Variants in DRC11 observed in about 807,000 individuals in gnomAD.
DRC11 encodes the protein dynein regulatory complex subunit 11.
At chr2:236,507,124 G>A in the DRC11 span, 1 of 830,946 alleles carries the variant, frequency 1.2e-6, no homozygotes, top group Admixed American at 2.4e-5. Context: ...AGGAAAAAAA[G>A]TGGGGGAGAG....
At chr2:236,345,243 C>A in the DRC11 span, among the ~76,000 whole-genome samples, 1 of 152,290 alleles carries the variant, frequency 6.6e-6, no homozygotes, top group African/African-American at 2.4e-5. Flanking sequence ...CTCTGCTGCA[C>A]AGGCACAGAA....
chr2:236,344,601 T>A, the DRC11 span: 1 of 1,613,796 alleles, frequency 6.2e-7, no homozygotes, highest in South Asian at 1.1e-5. Flanking sequence ...GTTTTTTCTG[T>A]GTCTTCAATC....
the DRC11 span, among the ~76,000 whole-genome samples, chr2:236,500,085 T>TGAC: frequency 2.6e-5 from 3 of 116,930 alleles, no homozygotes; most frequent in African/African-American, 2.8e-4. The surrounding 1 kb of genome is among the most constrained non-coding windows in gnomAD (Gnocchi z 6.3). Context: ...TGGGTTCAGA[T>TGAC]GATGATGATG....
the DRC11 span, among the ~76,000 whole-genome samples, chr2:236,379,227 G>A: frequency 6.6e-6 from 1 of 152,170 alleles, no homozygotes; most frequent in Non-Finnish European, 1.5e-5. Context: ...CCCCAAACAG[G>A]GTAGCGACAG....
the DRC11 span, among the ~76,000 whole-genome samples, chr2:236,322,160 C>T: frequency 6.6e-6 from 1 of 152,000 alleles, no homozygotes; most frequent in Non-Finnish European, 1.5e-5. Context: ...AGCCAGAAGC[C>T]CCTCTCAGGT....
chr2:236,371,901 A>T, the DRC11 span, among the ~76,000 whole-genome samples: 3 of 152,146 alleles, frequency 2.0e-5, no homozygotes, highest in African/African-American at 7.2e-5. This position sits in a 1 kb window ranked among gnomAD's most constrained non-coding sequence, Gnocchi z 5.1. Context: ...TCTGAGGGTA[A>T]TCTAATTTTC....
the DRC11 span, among the ~76,000 whole-genome samples, chr2:236,334,019 T>G: frequency 3.7e-4 from 56 of 152,162 alleles, no homozygotes; most frequent in Non-Finnish European, 7.2e-4. This position sits in a 1 kb window ranked among gnomAD's most constrained non-coding sequence, Gnocchi z 7.8. Context: ...AAGATTCCTC[T>G]GAATACATGA....
the DRC11 span, among the ~76,000 whole-genome samples, chr2:236,402,494 G>T: frequency 2.6e-5 from 4 of 152,368 alleles, no homozygotes; most frequent in African/African-American, 4.8e-5. This position sits in a 1 kb window ranked among gnomAD's most constrained non-coding sequence, Gnocchi z 6.0. Flanking sequence ...GGGATCACAA[G>T]AGCTTCAGGG....
the DRC11 span, chr2:236,493,795 C>T: frequency 2.5e-5 from 40 of 1,604,808 alleles, no homozygotes; most frequent in Middle Eastern, 1.6e-4. Context: ...TTCCGCTGTC[C>T]GCTAATATTT....
chr2:236,443,746 A>C, the DRC11 span, among the ~76,000 whole-genome samples: 1 of 152,326 alleles, frequency 6.6e-6, no homozygotes, highest in South Asian at 2.1e-4. This position sits in a 1 kb window ranked among gnomAD's most constrained non-coding sequence, Gnocchi z 4.4. Flanking sequence ...CAGTAATGGG[A>C]TTGCTAGGTC....
At chr2:236,390,028 T>C in the DRC11 span, among the ~76,000 whole-genome samples, 1 of 152,182 alleles carries the variant, frequency 6.6e-6, no homozygotes, top group East Asian at 1.9e-4. The surrounding 1 kb of genome is among the most constrained non-coding windows in gnomAD (Gnocchi z 5.9). Context: ...GCTGTTTCCT[T>C]ATTGATTTTC....
At chr2:236,444,948 C>T in the DRC11 span, among the ~76,000 whole-genome samples, 1 of 152,192 alleles carries the variant, frequency 6.6e-6, no homozygotes, top group African/African-American at 2.4e-5. Context: ...TGCCTGTCCA[C>T]AAGACTCATG....
chr2:236,502,039 C>G, the DRC11 span, among the ~76,000 whole-genome samples: 1 of 152,102 alleles, frequency 6.6e-6, no homozygotes, highest in Non-Finnish European at 1.5e-5. Context: ...ACTTGCAGCA[C>G]AGGCCTGATT....
At chr2:236,497,381 G>C in the DRC11 span, 1 of 1,613,846 alleles carries the variant, frequency 6.2e-7, no homozygotes, top group Non-Finnish European at 8.5e-7. The surrounding 1 kb of genome is among the most constrained non-coding windows in gnomAD (Gnocchi z 5.1). Flanking sequence ...GCTAATGTTT[G>C]AAAGATGAAA....
At chr2:236,467,935 G>A in the DRC11 span, among the ~76,000 whole-genome samples, 3 of 152,118 alleles carry the variant, frequency 2.0e-5, no homozygotes, top group Non-Finnish European at 2.9e-5. Flanking sequence ...GGAGGTGGAA[G>A]GGATTTCACA....
At chr2:236,477,223 T>C in the DRC11 span, among the ~76,000 whole-genome samples, 1 of 152,214 alleles carries the variant, frequency 6.6e-6, no homozygotes, top group Non-Finnish European at 1.5e-5. Flanking sequence ...AAAACTTAAC[T>C]ACTAATAACT....
At chr2:236,370,143 G>C in the DRC11 span, among the ~76,000 whole-genome samples, 219 of 152,286 alleles carry the variant, frequency 1.4e-3, no homozygotes, top group African/African-American at 4.9e-3. The surrounding 1 kb of genome is among the most constrained non-coding windows in gnomAD (Gnocchi z 5.5). Flanking sequence ...TGGACACAGA[G>C]ACAGACATGC....
chr2:236,463,150 T>C, the DRC11 span, among the ~76,000 whole-genome samples: 1 of 152,304 alleles, frequency 6.6e-6, no homozygotes, highest in South Asian at 2.1e-4. The surrounding 1 kb of genome is among the most constrained non-coding windows in gnomAD (Gnocchi z 5.0). Context: ...TATGATATAT[T>C]TCTAACAGCT....
the DRC11 span, among the ~76,000 whole-genome samples, chr2:236,318,573 G>GT: frequency 7.9e-6 from 1 of 126,364 alleles, no homozygotes; most frequent in African/African-American, 4.0e-5. The surrounding 1 kb of genome is among the most constrained non-coding windows in gnomAD (Gnocchi z 7.0). Context: ...GTCCATGTGT[G>GT]TGTTTGTGTG....
Sources: allele counts gnomAD v4.1 joint callset (sites outside exome capture counted in the v4.1 genomes callset), GRCh38; gene constraint gnomAD v4.1.1; non-coding constraint Gnocchi (gnomAD v3.1); transcripts MANE v1.5; gene names NCBI Gene and HGNC (gene_info 2026-07-23, HGNC 2026-07-21).